ARHGAP32: variants seen among roughly 807,000 people sequenced by gnomAD.
ARHGAP32 encodes Rho GTPase activating protein 32.
Under a neutral mutation model 186.5 loss-of-function variants are expected in ARHGAP32, and 51 were observed. The ratio of observed to expected loss-of-function variants is 0.27; its 90% CI spans 0.22 to 0.35. The LOEUF (loss-of-function observed/expected upper bound fraction) is 0.35, where lower values mean the gene tolerates loss of function less well. ARHGAP32 is among the 10% of genes least tolerant of loss of function. The probability of loss-of-function intolerance (pLI) is 1.00; values close to 1 mark genes in which losing one functional copy is unlikely to be tolerated. For synonymous variants in ARHGAP32, 950 were observed against 964.3 expected (o/e 0.99, Z 0.27); for missense variants, 2,186 against 2,623.5 (o/e 0.83, Z 3.64).
intron 1 of ARHGAP32, among the ~76,000 whole-genome samples, chr11:129,251,894 C>T (rs1211661066): frequency 6.8e-6 from 1 of 147,936 alleles, no homozygotes; most frequent in Non-Finnish European, 1.5e-5. Context: ...GAGATTGTGC[C>T]ACTGCACTCC....
intron 6 of ARHGAP32, among the ~76,000 whole-genome samples, chr11:129,074,849 T>C (rs1333838144): frequency 1.3e-5 from 2 of 152,050 alleles, no homozygotes. Context: ...AATGGAAACA[T>C]ATAAAATGCT....
At chr11:129,087,851 G>T (rs1225070702) in intron 6 of ARHGAP32, among the ~76,000 whole-genome samples, 1 of 152,110 alleles carries the variant, frequency 6.6e-6, no homozygotes, top group African/African-American at 2.4e-5. Context: ...GAGCTTATGG[G>T]AACTCTATAT....
At chr11:129,000,096 T>G (rs1047001506) in intron 11 of ARHGAP32, among the ~76,000 whole-genome samples, 16 of 152,162 alleles carry the variant, frequency 1.1e-4, no homozygotes, top group Admixed American at 6.5e-5. Context: ...CAGAACACAC[T>G]TGTCAACCTA....
chr11:129,190,059 T>C (rs770868131), intron 1 of ARHGAP32, among the ~76,000 whole-genome samples: 16 of 152,250 alleles, frequency 1.1e-4, no homozygotes, highest in Non-Finnish European at 2.2e-4. Flanking sequence ...GACAGCTTGA[T>C]GTCACATGTA....
chr11:129,243,849 C>T (rs1194636150), intron 1 of ARHGAP32, among the ~76,000 whole-genome samples: 2 of 152,216 alleles, frequency 1.3e-5, no homozygotes, highest in African/African-American at 4.8e-5. Flanking sequence ...GTAACCCGCA[C>T]TTTCCTGTAT....
chr11:129,193,567 ATAATAT>A (rs1488082241), upstream of ARHGAP32, among the ~76,000 whole-genome samples: 200 of 12,978 alleles, frequency 0.015, 5 homozygotes, highest in African/African-American at 0.092. Flanking sequence ...TATATTATAT[ATAATAT>A]ATATATATTA....
intron 5 of ARHGAP32, among the ~76,000 whole-genome samples, chr11:129,110,709 CCTT>C (rs1201223747): frequency 2.0e-5 from 3 of 151,944 alleles, no homozygotes; most frequent in Admixed American, 6.6e-5. Flanking sequence ...AATACGATTG[CCTT>C]CTTCTTTTCA....
chr11:129,266,509 T>G (rs754601849), intron 1 of ARHGAP32, among the ~76,000 whole-genome samples: 3 of 152,108 alleles, frequency 2.0e-5, no homozygotes, highest in African/African-American at 4.8e-5. Flanking sequence ...ACTAAGGGAA[T>G]CAGTATTTCT....
intron 11 of ARHGAP32, among the ~76,000 whole-genome samples, chr11:129,003,767 CT>C (rs1319823112): frequency 6.6e-6 from 1 of 151,056 alleles, no homozygotes; most frequent in East Asian, 1.9e-4. Context: ...TTTGGGTCTT[CT>C]TTTTTTTTCC....
chr11:128,969,726 T>A lies in ARHGAP32; in HGVS notation c.5487A>T (p.Ala1829=), dbSNP rs559352852. 6.2e-7 allele frequency: 1 copy of A among 1,614,086 alleles called. No homozygotes were observed. Among genetic ancestry groups the A allele is most frequent in the African/African-American group, 1.3e-5 (1 of 74,940 alleles). ...CTCCCTCGGGACTGATGGCCTTGGC[T>A]GCATGGCGGCTCTCCTTTCCTTCTG... ...SVAEGKESRH[A]AKAISPEGED... Residue 1829 remains alanine, a synonymous_variant, in exon 23 of 23, where the codon GCA becomes GCT. Transcript: ENST00000682385. This position sits in a 1 kb window ranked among gnomAD's most constrained non-coding sequence, Gnocchi z 4.8.
intron 5 of ARHGAP32, among the ~76,000 whole-genome samples, chr11:129,095,414 T>C (rs376092329): frequency 1.6e-4 from 24 of 152,316 alleles, no homozygotes; most frequent in African/African-American, 5.8e-4. Flanking sequence ...CAACTCTCTG[T>C]AGCAGAGAGT....
Position 128,973,443 on chromosome 11 carries a change from ATTGGG to A in ARHGAP32, c.3074-16_3074-12del, listed in dbSNP as rs1204016529. ...CATGGGTAACTGCTCCTAGTGGGAA[ATTGGG>A]AAAAAAAATGAGAGTGAAAAGGTAG... is the stretch of plus-strand genomic sequence containing the variant. On this transcript the variant is annotated splice_polypyrimidine_tract_variant and intron_variant, in intron 21 of 22. Transcript: ENST00000682385. 4 of 1,609,680 alleles carry A rather than the reference ATTGGG, an allele frequency of 2.5e-6. No individual in the cohort carries two copies. The highest frequency in any genetic ancestry group is 1.7e-5 in the Admixed American group (1 of 59,790).
chr11:129,128,928 C>T (rs1006855703), intron 2 of ARHGAP32, among the ~76,000 whole-genome samples: 1 of 152,192 alleles, frequency 6.6e-6, no homozygotes, highest in Non-Finnish European at 1.5e-5. Context: ...GATCTCGGCT[C>T]GCTACAACCT....
Position 128,972,842 on chromosome 11 carries a change from A to T in ARHGAP32, c.3664T>A (p.Tyr1222Asn). 1 of 1,614,040 alleles carries T rather than the reference A, an allele frequency of 6.2e-7. No homozygotes were observed. Among genetic ancestry groups the T allele is most frequent in the East Asian group, 2.2e-5 (1 of 44,870 alleles). ...LDQDQSPPRF[Y>N]SGDQPPSYLG... is the part of the protein sequence containing the mutation. The stretch of plus-strand genomic sequence containing the variant: ...TAAGAAGGAGGCTGATCTCCACTGT[A>T]GAAACGGGGTGGAGACTGGTCCTGA... Residue 1222 changes from tyrosine (Y) to asparagine (N), a missense_variant, in exon 22 of 23, where the codon TAC (tyrosine) becomes AAC (asparagine). Tyr to Asn is a moderately radical substitution (Grantham distance 143). Coordinates refer to ENST00000682385, the MANE Select transcript of ARHGAP32 (RefSeq NM_001378024.1).
At chr11:128,976,441 T>G in intron 20 of ARHGAP32, 122 bp downstream of exon 20, 2 of 744,860 alleles carry the variant, frequency 2.7e-6, no homozygotes, top group Non-Finnish European at 4.6e-6. Flanking sequence ...TAGACACTAG[T>G]ATTCCTAGGA....
At chr11:129,090,622 T>C (rs1425666318) in intron 6 of ARHGAP32, among the ~76,000 whole-genome samples, 1 of 152,134 alleles carries the variant, frequency 6.6e-6, no homozygotes, top group African/African-American at 2.4e-5. Flanking sequence ...AACAAGACTT[T>C]TATTACAGCA....
In ARHGAP32 at chr11:129,062,321, T is replaced by C. The variant is rs1940534947; in HGVS notation, c.922A>G (p.Lys308Glu). 6.2e-7 allele frequency: 1 copy of C among 1,613,758 alleles called. No individual in the cohort carries two copies. Among genetic ancestry groups the C allele is most frequent in the Non-Finnish European group, 8.5e-7 (1 of 1,179,728 alleles). ...CCTCTCCACCATGTGCTTAACACTT[T>C]CGGGGGCATGTCAATAACAGAAACA... Reference protein sequence around the residue: ...DIVSVIDMPPKVLSTWWRGKH... With the variant: ...DIVSVIDMPPEVLSTWWRGKH... The change falls in exon 10 of 23, where the codon AAA becomes GAA. Residue 308 changes from lysine to glutamate, a missense_variant. Coordinates refer to ENST00000682385, the MANE Select transcript of ARHGAP32 (RefSeq NM_001378024.1).
intron 1 of ARHGAP32, among the ~76,000 whole-genome samples, chr11:129,177,662 T>C (rs1244495035): frequency 2.6e-5 from 4 of 152,010 alleles, no homozygotes; most frequent in African/African-American, 9.7e-5. Flanking sequence ...TAATCCAGCA[T>C]ATAAACAGAA....
chr11:128,971,368 C>G (rs1170800122), intron 22 of ARHGAP32: 1 of 497,454 alleles, frequency 2.0e-6, no homozygotes, highest in Non-Finnish European at 3.5e-6. Context: ...TTTGGAGAAC[C>G]ATTCAAAGTT....
Sources: gnomAD v4.1 joint callset for allele counts (sites outside exome capture counted in the v4.1 genomes callset) on GRCh38, gnomAD v4.1.1 for gene constraint, Gnocchi (gnomAD v3.1) non-coding constraint, MANE v1.5 for transcripts, NCBI Gene and HGNC (gene_info 2026-07-23, HGNC 2026-07-21) for gene names.